The following EXD3 variants were observed in gnomAD, a reference collection of about 807,000 sequenced individuals.
EXD3 encodes exonuclease mut-7 homolog.
In EXD3, 92 loss-of-function variants were observed where a neutral mutation model predicts 98.0. The ratio of observed to expected loss-of-function variants is 0.94; its 90% CI spans 0.79 to 1.12. The LOEUF (loss-of-function observed/expected upper bound fraction) is 1.12, where lower values mean the gene tolerates loss of function less well. EXD3 is among the 50% of genes most tolerant of loss of function. The probability of loss-of-function intolerance (pLI) is 0.00; values close to 1 mark genes in which losing one functional copy is unlikely to be tolerated. For synonymous variants in EXD3, 569 were observed against 526.0 expected, an observed-to-expected ratio of 1.08 and a Z score of -1.12; for missense variants, 1,222 against 1,191.6, an observed-to-expected ratio of 1.03 and a Z score of -0.38.
At chr9:137,401,776 A>C (rs1330451455) in intron 1 of EXD3, among the ~76,000 whole-genome samples, 1 of 152,146 alleles carries the variant, frequency 6.6e-6, no homozygotes, top group African/African-American at 2.4e-5. Flanking sequence ...CCAGCCCACA[A>C]AACCACTTTT....
rs79828034 is a variant in EXD3, at chr9:137,409,325, C to T, written c.-48+13789G>A. 2.6e-5 allele frequency among the ~76,000 whole-genome samples: 4 copies of T among 152,358 alleles called. No individual in the cohort carries two copies. In the East Asian group the frequency reaches 5.8e-4, roughly 22 times the overall value. On this transcript the variant is annotated intron_variant, in intron 1 of 21. Coordinates refer to ENST00000340951, the MANE Select transcript of EXD3 (RefSeq NM_017820.5). Reference sequence around the variant, plus strand: ...AATCCCGCCAGCATGAACGCCTCCTCGGATGCTCCCCTCACCCTTAGACTT... The same window carrying T: ...AATCCCGCCAGCATGAACGCCTCCTTGGATGCTCCCCTCACCCTTAGACTT...
chr9:137,362,945 G>A (rs1835059920), intron 7 of EXD3, among the ~76,000 whole-genome samples: 1 of 152,000 alleles, frequency 6.6e-6, no homozygotes, highest in African/African-American at 2.4e-5. Context: ...TGAGTAGCTG[G>A]GATTATAGGC....
At chr9:137,340,693 AT>A (rs1029802442) in intron 17 of EXD3, among the ~76,000 whole-genome samples, 1 of 151,508 alleles carries the variant, frequency 6.6e-6, no homozygotes, top group East Asian at 1.9e-4. Context: ...ATGCCTGGCT[AT>A]TTTTTTTAAG....
chr9:137,371,299 G>A lies in EXD3; in HGVS notation c.462+1606C>T, dbSNP rs534328480. Among the ~76,000 whole-genome samples the A allele has an allele frequency of 7.9e-5, 12 of 152,332 alleles. No individual in the cohort carries two copies. In the East Asian group the frequency reaches 1.4e-3, roughly 17 times the overall value. On this transcript the variant is annotated intron_variant, in intron 5 of 21. Transcript: ENST00000340951. This position sits in a 1 kb window ranked among gnomAD's most constrained non-coding sequence, Gnocchi z 8.0. ...CCTCCATCCTGCATTGTCCTGTGCCGGGACATGGTGGCTTCTCAGCGCCAT... is the reference window on the plus strand; with the variant it reads ...CCTCCATCCTGCATTGTCCTGTGCCAGGACATGGTGGCTTCTCAGCGCCAT...
chr9:137,348,188 G>A lies in EXD3; in HGVS notation c.1881C>T (p.Ala627=). ...TGTCACACACCACACGGAAGGCCCT[G>A]GCCGGAATCTGAGGGGCAGCGCCCT... ...VSEGAAPQIP[A]RAFRVVCDNM... Residue 627 remains alanine, a synonymous_variant, in exon 17 of 22, where the codon GCC becomes GCT. Transcript: ENST00000340951. 2 of 1,611,844 alleles carry A rather than the reference G, an allele frequency of 1.2e-6. No individual in the cohort carries two copies. The highest frequency in any genetic ancestry group is 1.7e-6 in the Non-Finnish European group (2 of 1,179,662).
chr9:137,330,292 C>T (rs1373702573), intron 17 of EXD3, among the ~76,000 whole-genome samples: 7 of 132,110 alleles, frequency 5.3e-5, no homozygotes, highest in Non-Finnish European at 9.3e-5. Context: ...ACAGGAACTA[C>T]ACAGGAGCTA....
chr9:137,356,397 T>C, intron 7 of EXD3, 29 bp from the exon 8 acceptor site: 1 of 1,404,790 alleles, frequency 7.1e-7, no homozygotes, highest in South Asian at 1.2e-5. Flanking sequence ...ACAGCCTCTG[T>C]TGCTGTTTTA....
rs1482125504 is a variant in EXD3 at position 137,395,804 on chromosome 9, C to A, written c.-47-400G>T. 6.6e-6 allele frequency among the ~76,000 whole-genome samples: 1 copy of A among 152,124 alleles called. No individual in the cohort carries two copies. The highest frequency in any genetic ancestry group is 6.5e-5 in the Admixed American group (1 of 15,284). ...GAGCCACATGGGAGAGAGGTGCTCT[C>A]CTCCAGAGGGCAAGGGCGCCTGCAG... On this transcript the variant is annotated intron_variant, in intron 1 of 21. Coordinates refer to ENST00000340951, the MANE Select transcript of EXD3 (RefSeq NM_017820.5). The surrounding 1 kb of genome is among the most constrained non-coding windows in gnomAD (Gnocchi z 6.5).
At chr9:137,328,663 T>C (rs1289405073) in intron 17 of EXD3, among the ~76,000 whole-genome samples, 10 of 70,898 alleles carry the variant, frequency 1.4e-4, no homozygotes, top group Non-Finnish European at 2.0e-4. Flanking sequence ...TACACGGGAC[T>C]ACACGGGACT....
At chr9:137,357,376 T>C (rs1322290781) in intron 7 of EXD3, 1 of 152,190 alleles carries the variant, frequency 6.6e-6, no homozygotes, top group African/African-American at 2.4e-5. Context: ...CAGTTATTTG[T>C]ATGTTGGACC....
At chr9:137,352,544 T>A (rs987359593) in intron 11 of EXD3, 76 bp downstream of exon 11, 1 of 1,349,250 alleles carries the variant, frequency 7.4e-7, no homozygotes. Flanking sequence ...TGAAGACTGG[T>A]GAGCTGTCGT....
At position 137,374,101 on chromosome 9, in the gene EXD3, G is replaced by A. The variant is rs146245964; in HGVS notation, c.121-502C>T. 6.8e-3 allele frequency among the ~76,000 whole-genome samples: 1,034 copies of A among 152,378 alleles called. 5 individuals are homozygous for A. The highest frequency in any genetic ancestry group is 0.011 in the East Asian group (59 of 5,196). Reference sequence around the variant, plus strand: ...GCATCTGTTTTGGGCTCTGGCTTCCGGAAGATTCTACAGCAAGTTGGCCCT... The same window carrying A: ...GCATCTGTTTTGGGCTCTGGCTTCCAGAAGATTCTACAGCAAGTTGGCCCT... On this transcript the variant is annotated intron_variant, in intron 3 of 21. Transcript: ENST00000340951.
chr9:137,392,901 C>A, intron 2 of EXD3: 1 of 413,708 alleles, frequency 2.4e-6, no homozygotes, highest in South Asian at 2.0e-5. Flanking sequence ...CAGCGGGCAC[C>A]ATGTCTGTTC....
chr9:137,307,362 C>T (rs575475565), intron 21 of EXD3, 99 bp from the exon 22 acceptor site: 15 of 1,421,298 alleles, frequency 1.1e-5, no homozygotes, highest in East Asian at 5.0e-5. Flanking sequence ...GCTGAGCCCA[C>T]GCTCACTCCT....
At chr9:137,333,145 C>T (rs370500984) in intron 17 of EXD3, among the ~76,000 whole-genome samples, 131 of 152,332 alleles carry the variant, frequency 8.6e-4, no homozygotes, top group African/African-American at 2.8e-3. Flanking sequence ...TGGATGCTTC[C>T]TGTCCTCGAA....
chr9:137,394,173 TGCTTCCCTAACCCCAGCCTCCCAGCCTCC>T lies in EXD3; in HGVS notation c.55+1101_55+1129del, dbSNP rs1564204623. 1.1e-3 allele frequency among the ~76,000 whole-genome samples: 75 copies of T among 69,438 alleles called. No homozygotes were observed. In the South Asian group the frequency reaches 0.013, roughly 12 times the overall value. The allele number at this position is 69,438 out of a possible 152,430, so 45.6% of individuals were successfully genotyped here. On this transcript the variant is annotated intron_variant, in intron 2 of 21. Coordinates refer to ENST00000340951, the MANE Select transcript of EXD3 (RefSeq NM_017820.5). ...TCCCTAACCCTGGCCTCCCAGCCTC[TGCTTCCCTAACCCCAGCCTCCCAGCCTCC>T]GCTTCCCTAACCCCGGCCTCCCAGC...
At chr9:137,374,672 G>C in intron 3 of EXD3, 1 of 985,588 alleles carries the variant, frequency 1.0e-6, no homozygotes, top group Non-Finnish European at 1.2e-6. Flanking sequence ...AGGCGCGGGA[G>C]GCAAGGCTGC....
At chr9:137,322,449 C>A (rs1162016112) in intron 19 of EXD3, among the ~76,000 whole-genome samples, 2 of 123,366 alleles carry the variant, frequency 1.6e-5, no homozygotes, top group Non-Finnish European at 3.5e-5. Flanking sequence ...ACCCCGGACC[C>A]ACGAGGGATG....
In EXD3 at chr9:137,366,635, G is replaced by T. The variant is rs532081448; in HGVS notation, c.517-3C>A. The T allele has an allele frequency of 1.3e-6, 2 of 1,558,204 alleles. No individual in the cohort carries two copies. Among genetic ancestry groups the T allele is most frequent in the East Asian group, 4.8e-5 (2 of 41,564 alleles). ...TGGAGGAGCAGTGGGATGCTCATCT[G>T]CAGGGGGACACACGGTCAGGCCACA... On this transcript the variant is annotated splice_polypyrimidine_tract_variant and splice_region_variant and intron_variant, in intron 6 of 21. Transcript: ENST00000340951.
Sources: gnomAD v4.1 joint callset for allele counts (sites outside exome capture counted in the v4.1 genomes callset) on GRCh38, gnomAD v4.1.1 for gene constraint, Gnocchi (gnomAD v3.1) non-coding constraint, MANE v1.5 for transcripts, NCBI Gene and HGNC (gene_info 2026-07-23, HGNC 2026-07-21) for gene names.